Variants in NKAIN2 observed in about 807,000 individuals in gnomAD.
The protein encoded by NKAIN2 is sodium/potassium-transporting ATPase subunit beta-1-interacting protein 2.
In NKAIN2, 14 loss-of-function variants were observed where a neutral mutation model predicts 32.6. The ratio of observed to expected loss-of-function variants is 0.43; its 90% CI spans 0.28 to 0.67. NKAIN2 has a LOEUF of 0.67. NKAIN2 is among the 30% of genes least tolerant of loss of function. The pLI, the probability that NKAIN2 is intolerant of heterozygous loss-of-function variation, is 0.17. For synonymous variants in NKAIN2, 80 were observed against 87.2 expected (o/e 0.92, Z 0.46); for missense variants, 198 against 258.3 (o/e 0.77, Z 1.60).
chr6:123,967,050 T>C (rs1361861160), intron 1 of NKAIN2, among the ~76,000 whole-genome samples: 1 of 152,182 alleles, frequency 6.6e-6, no homozygotes, highest in African/African-American at 2.4e-5. Flanking sequence ...ATACTTACAG[T>C]CCCCTTCATT....
At chr6:124,415,304 T>G (rs1774412761) in intron 3 of NKAIN2, among the ~76,000 whole-genome samples, 1 of 152,176 alleles carries the variant, frequency 6.6e-6, no homozygotes, top group African/African-American at 2.4e-5. Flanking sequence ...GTTGACTAAT[T>G]TTCTAGAATG....
intron 3 of NKAIN2, among the ~76,000 whole-genome samples, chr6:124,571,649 T>A (rs1781131979): frequency 6.6e-6 from 1 of 152,150 alleles, no homozygotes; most frequent in African/African-American, 2.4e-5. Flanking sequence ...AACCCTCTTT[T>A]TCTTCCCAGT....
chr6:124,359,866 T>C (rs4310076), intron 3 of NKAIN2, among the ~76,000 whole-genome samples: 109,729 of 151,602 alleles, frequency 0.72, 39,866 homozygotes, highest in Middle Eastern at 0.78. Flanking sequence ...TCAAAGGGAA[T>C]GCTTCCAGTT....
intron 5 of NKAIN2, among the ~76,000 whole-genome samples, chr6:124,810,413 C>T (rs919512501): frequency 1.6e-4 from 24 of 151,818 alleles, no homozygotes; most frequent in Admixed American, 3.3e-4. Flanking sequence ...TATTCTCATT[C>T]GTAGGTGGGA....
intron 1 of NKAIN2, among the ~76,000 whole-genome samples, chr6:124,035,716 G>A (rs1408987623): frequency 1.3e-5 from 2 of 152,062 alleles, no homozygotes; most frequent in Non-Finnish European, 2.9e-5. Flanking sequence ...TGCTCAAAAT[G>A]TCTCACATCC....
At chr6:124,679,045 C>CT (rs1773495536) in intron 4 of NKAIN2, among the ~76,000 whole-genome samples, 1 of 151,956 alleles carries the variant, frequency 6.6e-6, no homozygotes, top group South Asian at 2.1e-4. Flanking sequence ...CATCAGATGC[C>CT]TAGCTGTTTT....
intron 1 of NKAIN2, among the ~76,000 whole-genome samples, chr6:123,826,145 A>C (rs1425193900): frequency 6.6e-6 from 1 of 152,114 alleles, no homozygotes; most frequent in South Asian, 2.1e-4. Context: ...AGGCCACTCC[A>C]TCAGCCCCAC....
intron 4 of NKAIN2, among the ~76,000 whole-genome samples, chr6:124,731,437 T>G (rs1439606642): frequency 4.7e-5 from 7 of 150,070 alleles, no homozygotes; most frequent in Admixed American, 2.7e-4. Context: ...GAAAACATCA[T>G]TCTCAGTAAA....
intron 3 of NKAIN2, among the ~76,000 whole-genome samples, chr6:124,477,927 A>G (rs558180474): frequency 3.3e-5 from 5 of 151,122 alleles, no homozygotes; most frequent in Admixed American, 2.0e-4. Flanking sequence ...CTCCCTGTCA[A>G]TGCCAATGAA....
intron 4 of NKAIN2, among the ~76,000 whole-genome samples, chr6:124,752,608 G>A (rs6909363): frequency 0.54 from 81,583 of 151,592 alleles, 22,215 homozygotes; most frequent in East Asian, 0.69. Flanking sequence ...ACAATAAGCA[G>A]CTAATTTCAC....
chr6:124,702,842 G>C (rs955543300), intron 4 of NKAIN2, among the ~76,000 whole-genome samples: 2 of 151,970 alleles, frequency 1.3e-5, no homozygotes, highest in African/African-American at 4.8e-5. Context: ...TGAAACTACA[G>C]CGACATTATT....
intron 3 of NKAIN2, among the ~76,000 whole-genome samples, chr6:124,649,833 C>G (rs535639781): frequency 9.2e-5 from 14 of 152,204 alleles, no homozygotes; most frequent in African/African-American, 3.1e-4. Flanking sequence ...TGTAATACAT[C>G]ACATCCACAA....
chr6:123,945,386 T>A (rs891501257), intron 1 of NKAIN2, among the ~76,000 whole-genome samples: 1 of 152,122 alleles, frequency 6.6e-6, no homozygotes, highest in Non-Finnish European at 1.5e-5. Flanking sequence ...TGTCAGTGTG[T>A]CTGTGACTGT....
intron 2 of NKAIN2, among the ~76,000 whole-genome samples, chr6:124,347,124 C>CAATTA (rs200285223): frequency 6.6e-3 from 880 of 134,252 alleles, no homozygotes; most frequent in South Asian, 8.5e-3. Flanking sequence ...GAAATTCTGG[C>CAATTA]TTGAAAATTC....
intron 4 of NKAIN2, among the ~76,000 whole-genome samples, chr6:124,761,026 C>T (rs1778239736): frequency 1.3e-5 from 2 of 152,152 alleles, no homozygotes; most frequent in Non-Finnish European, 2.9e-5. Context: ...GCCCTGCCCT[C>T]AATTCCTTCT....
chr6:124,135,737 C>T (rs1786746886), intron 1 of NKAIN2, among the ~76,000 whole-genome samples: 2 of 151,902 alleles, frequency 1.3e-5, no homozygotes, highest in South Asian at 4.1e-4. Context: ...ACCCTCAAAC[C>T]TATATAAATA....
chr6:124,180,557 G>A (rs531390476), intron 1 of NKAIN2, among the ~76,000 whole-genome samples: 3 of 151,986 alleles, frequency 2.0e-5, no homozygotes, highest in Non-Finnish European at 4.4e-5. Context: ...TTCCACCCCT[G>A]GCCCCTCTCA....
At chr6:124,781,470 G>T (rs1426451527) in intron 4 of NKAIN2, among the ~76,000 whole-genome samples, 1 of 152,108 alleles carries the variant, frequency 6.6e-6, no homozygotes, top group Non-Finnish European at 1.5e-5. Context: ...CCTCCCAGCT[G>T]TTACCAGGAT....
chr6:124,193,836 G>A (rs1005939176), intron 1 of NKAIN2, among the ~76,000 whole-genome samples: 3 of 152,010 alleles, frequency 2.0e-5, no homozygotes, highest in African/African-American at 7.2e-5. Context: ...TCCTAGCAGA[G>A]GGGAAACCCT....
Sources: allele counts gnomAD v4.1 joint callset (sites outside exome capture counted in the v4.1 genomes callset), GRCh38; gene constraint gnomAD v4.1.1; transcripts MANE v1.5; gene names NCBI Gene and HGNC (gene_info 2026-07-23, HGNC 2026-07-21).